The following NRP1 variants were observed in gnomAD, a reference collection of about 807,000 sequenced individuals.
NRP1 encodes neuropilin 1, also known as neuropilin-1.
NRP1 carries 35 observed loss-of-function variants against 106.7 expected under a neutral mutation model. That is an observed-to-expected ratio of 0.33 (90% CI 0.25 to 0.43). The LOEUF (loss-of-function observed/expected upper bound fraction) is 0.43. Ranked by LOEUF, NRP1 falls within the 20% of genes least tolerant of loss-of-function variation. The probability of loss-of-function intolerance (pLI) is 1.00; values close to 1 mark genes in which losing one functional copy is unlikely to be tolerated. For synonymous variants in NRP1, 437 were observed against 417.9 expected (o/e 1.05, Z -0.56); for missense variants, 1,024 against 1,170.4 (o/e 0.87, Z 1.83).
intron 8 of NRP1, among the ~76,000 whole-genome samples, chr10:33,220,372 T>G (rs2132879322): frequency 6.6e-6 from 1 of 152,292 alleles, no homozygotes; most frequent in Non-Finnish European, 1.5e-5. Context: ...AACATAATAT[T>G]AAAGGTAGTT....
intron 6 of NRP1, among the ~76,000 whole-genome samples, chr10:33,241,467 C>T (rs1325607109): frequency 2.2e-5 from 2 of 92,154 alleles, no homozygotes; most frequent in Non-Finnish European, 3.9e-5. Context: ...CTAACTACAT[C>T]GTGTTATTCC....
intron 3 of NRP1, among the ~76,000 whole-genome samples, chr10:33,269,860 A>G (rs950921198): frequency 6.6e-6 from 1 of 152,224 alleles, no homozygotes; most frequent in Non-Finnish European, 1.5e-5. Flanking sequence ...ACTGTCTCCC[A>G]TCACCTGTAT....
At chr10:33,314,331 G>T (rs1051896075) in intron 2 of NRP1, among the ~76,000 whole-genome samples, 1 of 152,118 alleles carries the variant, frequency 6.6e-6, no homozygotes, top group Non-Finnish European at 1.5e-5. Flanking sequence ...CTCCCATCTT[G>T]GTCTCCCAAA....
intron 2 of NRP1, among the ~76,000 whole-genome samples, chr10:33,286,490 T>A (rs1171290459): frequency 1.3e-5 from 2 of 151,992 alleles, no homozygotes; most frequent in Non-Finnish European, 2.9e-5. Flanking sequence ...ATGAAGATAA[T>A]CCCATCATTC....
rs1269643465 is a variant in NRP1, at chr10:33,178,223, G to T, written c.*1853C>A. 2.0e-5 allele frequency: 3 copies of T among 152,338 alleles called. No individual in the cohort carries two copies. The highest frequency in any genetic ancestry group is 7.2e-5 in the African/African-American group (3 of 41,456). The allele number at this position is 152,338 out of a possible 1,614,324, so 9.4% of individuals were successfully genotyped here. A position where few individuals can be genotyped will look rare whatever the true frequency, so the allele number is the denominator to read the frequency against. On this transcript the variant is annotated 3_prime_UTR_variant, in exon 17 of 17. Coordinates refer to ENST00000374867, the MANE Select transcript of NRP1 (RefSeq NM_003873.7). ...ACTCCCAACAAATGTCTTTGAGTGA[G>T]ACGTCTAGCAATGTGGGAAGGAAGA...
At chr10:33,275,641 T>C (rs1278661602) in intron 2 of NRP1, among the ~76,000 whole-genome samples, 3 of 150,160 alleles carry the variant, frequency 2.0e-5, no homozygotes, top group Non-Finnish European at 4.4e-5. Context: ...CTCACACCTG[T>C]AATTCCAGTG....
chr10:33,334,107 G>C lies in NRP1; in HGVS notation c.73+203C>G, dbSNP rs1848463165. Among the ~76,000 whole-genome samples, 3 of 152,328 alleles carry C rather than the reference G, an allele frequency of 2.0e-5. No individual in the cohort carries two copies. The South Asian group carries it at 6.2e-4, about 32-fold the overall frequency. On this transcript the variant is annotated intron_variant, in intron 1 of 16. Coordinates refer to ENST00000374867, the MANE Select transcript of NRP1 (RefSeq NM_003873.7). ...CCCCACAGCCCAAGGATCAACGTCA[G>C]GAGGGAGCCCAAAGACCTGAAATCC...
intron 2 of NRP1, among the ~76,000 whole-genome samples, chr10:33,298,334 A>G (rs1204707120): frequency 2.0e-5 from 3 of 152,112 alleles, no homozygotes; most frequent in Non-Finnish European, 4.4e-5. Flanking sequence ...TGGGCTGTAC[A>G]CACAGACAGC....
intron 2 of NRP1, among the ~76,000 whole-genome samples, chr10:33,324,532 T>A (rs2132914204): frequency 6.6e-6 from 1 of 152,326 alleles, no homozygotes; most frequent in East Asian, 1.9e-4. Flanking sequence ...CTGAAAAAAA[T>A]TAGAAAATGC....
intron 8 of NRP1, among the ~76,000 whole-genome samples, chr10:33,216,774 G>C (rs1838813323): frequency 6.6e-6 from 1 of 152,114 alleles, no homozygotes; most frequent in Non-Finnish European, 1.5e-5. Context: ...TAGTTCTTTG[G>C]AATGCTGCTT....
intron 2 of NRP1, among the ~76,000 whole-genome samples, chr10:33,326,843 G>A (rs1847924432): frequency 6.6e-6 from 1 of 152,162 alleles, no homozygotes; most frequent in Non-Finnish European, 1.5e-5. Flanking sequence ...ATTAACTCAT[G>A]AACTGGGTCA....
At chr10:33,244,351 G>A (rs970538308) in intron 6 of NRP1, among the ~76,000 whole-genome samples, 1 of 152,148 alleles carries the variant, frequency 6.6e-6, no homozygotes, top group Non-Finnish European at 1.5e-5. Context: ...CTCTGTAAAA[G>A]GTGCAATTAT....
intron 2 of NRP1, among the ~76,000 whole-genome samples, chr10:33,319,939 C>A (rs1034147739): frequency 6.6e-6 from 1 of 151,990 alleles, no homozygotes; most frequent in Non-Finnish European, 1.5e-5. Flanking sequence ...GTCCCCAGTT[C>A]CGTTCTTGGT....
chr10:33,289,859 T>C (rs1186985566), intron 2 of NRP1, among the ~76,000 whole-genome samples: 6 of 152,196 alleles, frequency 3.9e-5, no homozygotes, highest in Non-Finnish European at 8.8e-5. Flanking sequence ...AAAATAAAAA[T>C]CCGCTACCTT....
rs142437561 is a variant in NRP1, at chr10:33,293,468, C to T, written c.249-22612G>A. On this transcript the variant is annotated intron_variant, in intron 2 of 16. Transcript: ENST00000374867. Reference sequence around the variant, plus strand: ...GTGCCAGAAACAAGGAAAACTGTCACGGACCGGAATTACAGAGGAGAATTT... The same window carrying T: ...GTGCCAGAAACAAGGAAAACTGTCATGGACCGGAATTACAGAGGAGAATTT... Among the ~76,000 whole-genome samples, 32 of 152,228 alleles carry T rather than the reference C, an allele frequency of 2.1e-4. No homozygotes were observed. In the East Asian group the frequency reaches 2.5e-3, roughly 12 times the overall value.
intron 2 of NRP1, among the ~76,000 whole-genome samples, chr10:33,314,052 T>G (rs1458347761): frequency 6.8e-6 from 1 of 147,280 alleles, no homozygotes; most frequent in Non-Finnish European, 1.5e-5. Flanking sequence ...CTTTCTTTCT[T>G]TCTATTCCTC....
chr10:33,276,309 G>T (rs999418451), intron 2 of NRP1, among the ~76,000 whole-genome samples: 1 of 152,110 alleles, frequency 6.6e-6, no homozygotes. Flanking sequence ...AATCAAAGAC[G>T]GGCTTTGCTT....
intron 6 of NRP1, among the ~76,000 whole-genome samples, chr10:33,241,057 T>G (rs552297242): frequency 6.6e-6 from 1 of 152,340 alleles, no homozygotes; most frequent in Non-Finnish European, 1.5e-5. Context: ...TTTCAAAGAA[T>G]GACTCTCCAA....
chr10:33,250,503 C>T (rs2133147030), intron 6 of NRP1, among the ~76,000 whole-genome samples: 1 of 152,334 alleles, frequency 6.6e-6, no homozygotes, highest in Non-Finnish European at 1.5e-5. Flanking sequence ...AAATAGGAAG[C>T]ACCCAACCCA....
Sources: allele counts gnomAD v4.1 joint callset (sites outside exome capture counted in the v4.1 genomes callset), GRCh38; gene constraint gnomAD v4.1.1; transcripts MANE v1.5; gene names NCBI Gene and HGNC (gene_info 2026-07-23, HGNC 2026-07-21).